MAGI2: variants seen among roughly 807,000 people sequenced by gnomAD.
MAGI2 encodes membrane-associated guanylate kinase, WW and PDZ domain-containing protein 2.
In MAGI2, 35 loss-of-function variants were observed where a neutral mutation model predicts 133.3. The ratio of observed to expected loss-of-function variants is 0.26; its 90% confidence interval spans 0.20 to 0.35. MAGI2 has a LOEUF of 0.35. Among genes scored for constraint, MAGI2 ranks in the 10% least tolerant of loss-of-function variants. The pLI, the probability that MAGI2 is intolerant of heterozygous loss-of-function variation, is 1.00. For synonymous variants in MAGI2, 729 were observed against 710.6 expected, an observed-to-expected ratio of 1.03 and a Z score of -0.41; for missense variants, 1,636 against 1,863.4, an observed-to-expected ratio of 0.88 and a Z score of 2.25.
Position 78,645,156 on chromosome 7 carries a change from T to C in MAGI2, c.419-17917A>G, listed in dbSNP as rs576945662. ...TATGTCAGTGTGTGTCTACCTGATA[T>C]TTTAGTTAAAAACTATCACTTATAG... On this transcript the variant is annotated intron_variant, in intron 2 of 21. Coordinates refer to ENST00000354212, the MANE Select transcript of MAGI2 (RefSeq NM_012301.4). Among the ~76,000 whole-genome samples, 454 of 151,746 alleles carry C rather than the reference T, an allele frequency of 3.0e-3. 2 individuals are homozygous for C. The highest frequency in any genetic ancestry group is 0.011 in the African/African-American group (437 of 41,412).
chr7:78,628,411 C>T (rs971157598), intron 2 of MAGI2, among the ~76,000 whole-genome samples: 1 of 152,048 alleles, frequency 6.6e-6, no homozygotes, highest in African/African-American at 2.4e-5. Flanking sequence ...TTTTTGTTCT[C>T]TGCATTTGAA....
At chr7:78,938,989 T>C (rs757043715) in intron 2 of MAGI2, among the ~76,000 whole-genome samples, 1 of 152,116 alleles carries the variant, frequency 6.6e-6, no homozygotes, top group Non-Finnish European at 1.5e-5. Context: ...TCCCCACATA[T>C]AATCGTTATT....
At chr7:79,018,764 C>T (rs1410506417) in intron 1 of MAGI2, among the ~76,000 whole-genome samples, 1 of 152,078 alleles carries the variant, frequency 6.6e-6, no homozygotes, top group African/African-American at 2.4e-5. Flanking sequence ...TCAGACAAAA[C>T]AGACTTTAAT....
intron 2 of MAGI2, among the ~76,000 whole-genome samples, chr7:78,743,421 CT>C (rs1822615371): frequency 6.6e-6 from 1 of 152,124 alleles, no homozygotes; most frequent in Admixed American, 6.5e-5. Context: ...AAGAACCTTC[CT>C]TGTTCAAGAC....
At chr7:78,326,215 G>A (rs1788571728) in intron 9 of MAGI2, among the ~76,000 whole-genome samples, 1 of 152,168 alleles carries the variant, frequency 6.6e-6, no homozygotes, top group Admixed American at 6.5e-5. Context: ...TGTGCCTGCT[G>A]AATAAAGGGA....
At chr7:78,066,961 T>C (rs73136524) in intron 21 of MAGI2, among the ~76,000 whole-genome samples, 5,086 of 152,318 alleles carry the variant, frequency 0.033, 134 homozygotes, top group Non-Finnish European at 0.052. Flanking sequence ...ATGTGCAGAA[T>C]GGAATTGCAC....
intron 2 of MAGI2, among the ~76,000 whole-genome samples, chr7:78,799,749 T>C (rs1048040077): frequency 1.3e-5 from 2 of 152,194 alleles, no homozygotes; most frequent in Non-Finnish European, 2.9e-5. Context: ...TTTTTCAAGT[T>C]CTTGGTTGAA....
intron 1 of MAGI2, among the ~76,000 whole-genome samples, chr7:79,160,171 A>G (rs1824217066): frequency 6.6e-6 from 1 of 152,138 alleles, no homozygotes; most frequent in African/African-American, 2.4e-5. Flanking sequence ...AAAAGTTAAA[A>G]TAGTAGGAAA....
At chr7:78,242,217 C>CCT (rs1377422894) in intron 10 of MAGI2, among the ~76,000 whole-genome samples, 1 of 152,190 alleles carries the variant, frequency 6.6e-6, no homozygotes, top group African/African-American at 2.4e-5. Flanking sequence ...GCTCCTAAAG[C>CCT]CTCTTGCATG....
At position 78,649,522 on chromosome 7, in the gene MAGI2, T is replaced by A. The variant is rs576554384; in HGVS notation, c.419-22283A>T. 2.6e-5 allele frequency among the ~76,000 whole-genome samples: 4 copies of A among 152,234 alleles called. No homozygotes were observed. The South Asian group carries it at 8.3e-4, about 32-fold the overall frequency. On this transcript the variant is annotated intron_variant, in intron 2 of 21. Transcript: ENST00000354212. The stretch of plus-strand genomic sequence containing the variant: ...ATCCAAATCTTATGAATATTTTGAG[T>A]TGCAAATTTAAAAAGTTAGTATCAT...
At chr7:78,379,185 AT>A in intron 6 of MAGI2, among the ~76,000 whole-genome samples, 1 of 152,052 alleles carries the variant, frequency 6.6e-6, no homozygotes, top group Admixed American at 6.6e-5. Context: ...ATAAACAGTC[AT>A]ATTATAATAC....
At chr7:78,791,570 C>CAGAG (rs1827243248) in intron 2 of MAGI2, among the ~76,000 whole-genome samples, 1 of 140,398 alleles carries the variant, frequency 7.1e-6, no homozygotes, top group African/African-American at 2.7e-5. Flanking sequence ...GAGATGAACT[C>CAGAG]TTGCTCTGTT....
chr7:78,161,643 G>A, intron 15 of MAGI2, among the ~76,000 whole-genome samples: 1 of 74,996 alleles, frequency 1.3e-5, no homozygotes. Flanking sequence ...AAGACTGCAA[G>A]AGACGTTTTG....
chr7:78,614,485 A>G (rs1470070314), intron 3 of MAGI2: 1 of 152,180 alleles, frequency 6.6e-6, no homozygotes, highest in Non-Finnish European at 1.5e-5. Context: ...TGCCACATAC[A>G]AGATTTCTGA....
intron 1 of MAGI2, among the ~76,000 whole-genome samples, chr7:79,187,044 G>C (rs1827236005): frequency 6.6e-6 from 1 of 150,922 alleles, no homozygotes; most frequent in Non-Finnish European, 1.5e-5. Flanking sequence ...TAAGTATTTG[G>C]GGGCAACTTA....
intron 1 of MAGI2, among the ~76,000 whole-genome samples, chr7:79,307,356 T>C (rs991301468): frequency 4.2e-4 from 64 of 152,288 alleles, no homozygotes; most frequent in Admixed American, 3.5e-3. Flanking sequence ...GCTAACCAGA[T>C]CTGGAAGTTA....
At chr7:79,389,018 C>A (rs1322849529) in intron 1 of MAGI2, among the ~76,000 whole-genome samples, 1 of 151,812 alleles carries the variant, frequency 6.6e-6, no homozygotes, top group Non-Finnish European at 1.5e-5. Flanking sequence ...ACTGTGCATA[C>A]TGGAGAAAGA....
chr7:79,353,625 G>T, intron 1 of MAGI2: 1 of 390,648 alleles, frequency 2.6e-6, no homozygotes. Context: ...AGCAGGTGCT[G>T]GAGATACAGC....
chr7:78,070,152 C>T (rs916649918), intron 21 of MAGI2, among the ~76,000 whole-genome samples: 2 of 124,730 alleles, frequency 1.6e-5, no homozygotes, highest in Admixed American at 8.3e-5. Context: ...TATATATACA[C>T]ACATATATAT....
Sources: allele counts gnomAD v4.1 joint callset (sites outside exome capture counted in the v4.1 genomes callset), GRCh38; gene constraint gnomAD v4.1.1; transcripts MANE v1.5; gene names NCBI Gene and HGNC (gene_info 2026-07-23, HGNC 2026-07-21).